The following GLOD4 variants were observed in gnomAD, a reference collection of about 807,000 sequenced individuals.
GLOD4 encodes glyoxalase domain-containing protein 4.
In GLOD4, 44 loss-of-function variants were observed where a neutral mutation model predicts 39.1. The observed-to-expected ratio is 1.13, with a 90% CI of 0.88 to 1.45. GLOD4 has a LOEUF of 1.45. Among genes scored for constraint, GLOD4 ranks in the 40% most tolerant of loss-of-function variants. The pLI is 0.00. For synonymous variants in GLOD4, 145 were observed against 135.0 expected, an observed-to-expected ratio of 1.07 and a Z score of -0.52; for missense variants, 405 against 366.4, an observed-to-expected ratio of 1.11 and a Z score of -0.86.
At chr17:772,924 G>C (rs942746216) in intron 4 of GLOD4, among the ~76,000 whole-genome samples, 3 of 151,998 alleles carry the variant, frequency 2.0e-5, no homozygotes, top group Non-Finnish European at 4.4e-5. Context: ...GAACCCGGGA[G>C]GCGGAGCTTG....
intron 4 of GLOD4, among the ~76,000 whole-genome samples, chr17:772,199 A>G: frequency 6.6e-6 from 1 of 151,188 alleles, no homozygotes; most frequent in Non-Finnish European, 1.5e-5. Context: ...AAAAAAAAAA[A>G]AAAAAAAAAA....
At chr17:772,161 CCTGGGTGACAGT>C (rs1908068522) in intron 4 of GLOD4, among the ~76,000 whole-genome samples, 1 of 136,346 alleles carries the variant, frequency 7.3e-6, no homozygotes, top group Non-Finnish European at 1.5e-5. Flanking sequence ...TGCACTCCAG[CCTGGGTGACAGT>C]GAGACCCTAT....
chr17:761,604 A>T (rs951105318), intron 8 of GLOD4, among the ~76,000 whole-genome samples: 4 of 152,184 alleles, frequency 2.6e-5, no homozygotes, highest in African/African-American at 9.6e-5. Context: ...TTCTGGGTTC[A>T]AGTGATTCTC....
At position 770,469 on chromosome 17, in the gene GLOD4, G is replaced by A; in HGVS notation, c.582C>T (p.Asp194=). The change falls in exon 6 of 9, where the codon GAC becomes GAT. Residue 194 remains aspartate (D), a synonymous_variant. Coordinates refer to ENST00000301329, the MANE Select transcript of GLOD4 (RefSeq NM_016080.4). The part of the protein sequence containing the change: ...LELQGVKGGV[D]HAAAFGRIAF... Reference sequence around the variant, plus strand: ...CAATTCTTCCAAAAGCTGCTGCATGGTCCACCCCACCCTTGACGCCCTGTA... The same window carrying A: ...CAATTCTTCCAAAAGCTGCTGCATGATCCACCCCACCCTTGACGCCCTGTA... 1.3e-6 allele frequency: 2 copies of A among 1,595,656 alleles called. No individual in the cohort carries two copies. The highest frequency in any genetic ancestry group is 1.7e-6 in the Non-Finnish European group (2 of 1,163,126).
chr17:763,181 T>TA (rs61285863), intron 8 of GLOD4, among the ~76,000 whole-genome samples: 42,526 of 121,790 alleles, frequency 0.35, 8,026 homozygotes, highest in Non-Finnish European at 0.45. Flanking sequence ...AGACTCCGTC[T>TA]AAAAAAAAAA....
intron 4 of GLOD4, 78 bp downstream of exon 4, chr17:775,697 A>G: frequency 8.1e-7 from 1 of 1,238,726 alleles, no homozygotes; most frequent in Non-Finnish European, 1.2e-6. Context: ...CTCTACAAAA[A>G]AAAGACAGGC....
At chr17:783,422 C>G, upstream of GLOD4, 1 of 1,266,964 alleles carries the variant, frequency 7.9e-7, no homozygotes, top group Non-Finnish European at 1.1e-6. Context: ...CTGCAACCTC[C>G]GCCTCTCGGG....
intron 8 of GLOD4, among the ~76,000 whole-genome samples, chr17:766,170 C>T (rs528622478): frequency 5.3e-5 from 8 of 150,802 alleles, no homozygotes; most frequent in African/African-American, 2.0e-4. Flanking sequence ...TGGTGGCGCA[C>T]GCCTATGGTT....
rs750127179 is a variant in GLOD4 at position 770,421 on chromosome 17, C to G, written c.630G>C (p.Glu210Asp). 3 of 1,495,018 alleles carry G rather than the reference C, an allele frequency of 2.0e-6. No individual in the cohort carries two copies. The highest frequency in any genetic ancestry group is 1.9e-6 in the Non-Finnish European group (2 of 1,070,986). The allele number at this position is 1,495,018 out of a possible 1,614,324, so 92.6% of individuals were successfully genotyped here. A position where few individuals can be genotyped will look rare whatever the true frequency, so the allele number is the denominator to read the frequency against. ...CAAACGATCTGGTATCAAGCGTTAC[C>G]TCTTTCTGGGGGCAAGAGAAGGCAA... is the stretch of plus-strand genomic sequence containing the variant. ...GRIAFSCPQK[E>D]LPDLEDLMKR... is the part of the protein sequence containing the mutation. The change falls in exon 6 of 9, where the codon GAG becomes GAC. Residue 210 changes from glutamate to aspartate, a missense_variant and splice_region_variant. By Grantham distance (45) the Glu-to-Asp change is conservative (BLOSUM62 2). Coordinates refer to ENST00000301329, the MANE Select transcript of GLOD4 (RefSeq NM_016080.4).
At chr17:761,636 C>G (rs975690797) in intron 8 of GLOD4, among the ~76,000 whole-genome samples, 3 of 152,156 alleles carry the variant, frequency 2.0e-5, no homozygotes, top group Admixed American at 1.3e-4. Context: ...TCCCAAGTAG[C>G]TGGGATTACA....
At position 782,180 on chromosome 17, in the gene GLOD4, C is replaced by G; in HGVS notation, c.76G>C (p.Val26Leu). Residue 26 changes from valine (V) to leucine (L), a missense_variant, in exon 1 of 9, where the codon GTC (valine) becomes CTC (leucine). Physicochemically the swap from Val to Leu is conservative, Grantham distance 32. Transcript: ENST00000301329. ...RFQTARFYRD[V>L]LGMKVLRHEE... ...CCGGCCTGCACCTTCATCCCCAGGACGTCCCGATAGAAACGCGCCGTCTGG... is the reference window on the plus strand; with the variant it reads ...CCGGCCTGCACCTTCATCCCCAGGAGGTCCCGATAGAAACGCGCCGTCTGG... The G allele has an allele frequency of 6.2e-7, 1 of 1,606,068 alleles. No individual in the cohort carries two copies. Among genetic ancestry groups the G allele is most frequent in the Non-Finnish European group, 8.5e-7 (1 of 1,174,398 alleles).
At chr17:771,123 C>A in intron 5 of GLOD4, 1 of 409,536 alleles carries the variant, frequency 2.4e-6, no homozygotes, top group Non-Finnish European at 4.3e-6. Flanking sequence ...GATATATCCC[C>A]AAATATAAAC....
intron 4 of GLOD4, among the ~76,000 whole-genome samples, chr17:772,766 T>C (rs1205418844): frequency 2.0e-5 from 3 of 151,934 alleles, no homozygotes; most frequent in African/African-American, 7.3e-5. Context: ...GAGGCTGAGG[T>C]GGCAGGATCA....
At chr17:784,795 A>G (rs901456349), upstream of GLOD4, among the ~76,000 whole-genome samples, 1 of 152,170 alleles carries the variant, frequency 6.6e-6, no homozygotes, top group African/African-American at 2.4e-5. Flanking sequence ...CAGACATCCA[A>G]GTAGAAGTAA....
chr17:769,670 G>A (rs911535134), intron 8 of GLOD4, among the ~76,000 whole-genome samples, 199 bp downstream of exon 8: 4 of 152,146 alleles, frequency 2.6e-5, no homozygotes, highest in Non-Finnish European at 2.9e-5. Context: ...GTTGTGGTAA[G>A]GCACAAATGC....
At chr17:774,197 G>A (rs1017129131) in intron 4 of GLOD4, among the ~76,000 whole-genome samples, 1 of 152,224 alleles carries the variant, frequency 6.6e-6, no homozygotes, top group Non-Finnish European at 1.5e-5. Context: ...ACACAGCCAA[G>A]TCTAGCCTCC....
chr17:780,016 A>T (rs1054818142), intron 1 of GLOD4, among the ~76,000 whole-genome samples: 39 of 152,006 alleles, frequency 2.6e-4, no homozygotes, highest in Admixed American at 6.6e-4. Flanking sequence ...TACAAAAAAT[A>T]AGCAGGGCGT....
intron 4 of GLOD4, among the ~76,000 whole-genome samples, chr17:771,866 A>C: frequency 6.6e-6 from 1 of 151,956 alleles, no homozygotes; most frequent in East Asian, 1.9e-4. Context: ...AAAAAAAATT[A>C]GCTGGGCGTG....
intron 3 of GLOD4, among the ~76,000 whole-genome samples, 153 bp from the exon 4 acceptor site, chr17:776,072 A>C (rs1298769036): frequency 2.6e-5 from 4 of 152,250 alleles, no homozygotes; most frequent in Non-Finnish European, 5.9e-5. Flanking sequence ...ATTTAAAAAC[A>C]GGTTTTCAAT....
Sources: allele counts gnomAD v4.1 joint callset (sites outside exome capture counted in the v4.1 genomes callset), GRCh38; gene constraint gnomAD v4.1.1; transcripts MANE v1.5; gene names NCBI Gene and HGNC (gene_info 2026-07-23, HGNC 2026-07-21).